Variants in KPNA1 observed in about 807,000 individuals in gnomAD.
KPNA1 encodes karyopherin subunit alpha 1.
KPNA1 carries 10 observed loss-of-function variants against 70.5 expected under a neutral mutation model. That is an observed-to-expected ratio of 0.14 (90% CI 0.09 to 0.24). The LOEUF is 0.24. Ranked by LOEUF, KPNA1 falls within the 10% of genes least tolerant of loss-of-function variation. KPNA1 has a pLI of 1.00. For synonymous variants in KPNA1, 192 were observed against 221.9 expected (o/e 0.87, Z 1.20); for missense variants, 397 against 637.9 (o/e 0.62, Z 4.07).
chr3:122,477,489 C>T (rs1344306060), intron 2 of KPNA1, among the ~76,000 whole-genome samples: 2 of 151,984 alleles, frequency 1.3e-5, no homozygotes, highest in African/African-American at 4.8e-5. Flanking sequence ...CATTTGAGAC[C>T]AGGAGTTCAA....
intron 1 of KPNA1, among the ~76,000 whole-genome samples, chr3:122,508,161 C>A (rs534540447): frequency 1.3e-5 from 2 of 151,712 alleles, no homozygotes; most frequent in Non-Finnish European, 2.9e-5. Context: ...ACCAGAACCA[C>A]GGCATAAAGA....
At chr3:122,478,571 A>G (rs542081206) in intron 2 of KPNA1, among the ~76,000 whole-genome samples, 2 of 151,900 alleles carry the variant, frequency 1.3e-5, no homozygotes, top group Admixed American at 6.6e-5. Flanking sequence ...AAAATACAAA[A>G]ATTAGCTGGA....
At chr3:122,467,174 T>C in intron 3 of KPNA1, 148 bp downstream of exon 3, 1 of 409,784 alleles carries the variant, frequency 2.4e-6, no homozygotes, top group East Asian at 4.0e-5. Context: ...ATAATAAACA[T>C]TTAATGAACC....
chr3:122,465,434 C>T (rs760711688), intron 3 of KPNA1, among the ~76,000 whole-genome samples: 10 of 152,136 alleles, frequency 6.6e-5, no homozygotes, highest in East Asian at 1.9e-4. Flanking sequence ...TTGACTATCT[C>T]GTGTAATTTA....
intron 9 of KPNA1, among the ~76,000 whole-genome samples, chr3:122,446,977 T>G (rs1295898501): frequency 6.6e-6 from 1 of 152,136 alleles, no homozygotes; most frequent in African/African-American, 2.4e-5. Flanking sequence ...CAGGAAGAAG[T>G]TGAATCCTTG....
At chr3:122,452,531 AGG>A (rs2076214304) in intron 6 of KPNA1, among the ~76,000 whole-genome samples, 1 of 39,534 alleles carries the variant, frequency 2.5e-5, no homozygotes, top group African/African-American at 8.1e-5. Flanking sequence ...GGAGGGAAGG[AGG>A]GAAGGAGGGA....
rs781126772 is a variant in KPNA1, at chr3:122,489,294, TG to T, written c.129+7142del. On this transcript the variant is annotated intron_variant, in intron 2 of 13. Coordinates refer to ENST00000344337, the MANE Select transcript of KPNA1 (RefSeq NM_002264.4). ...CCTTTTTACTTTGTTTGTTTTTTTT[TG>T]TTTGTTTTTTTTTTAAGAGGGTCTC... is the stretch of plus-strand genomic sequence containing the variant. Among the ~76,000 whole-genome samples, 23 of 150,922 alleles carry T rather than the reference TG, an allele frequency of 1.5e-4. No individual in the cohort carries two copies. The East Asian group carries it at 2.2e-3, about 14-fold the overall frequency.
chr3:122,451,187 C>A (rs2076198770), intron 8 of KPNA1, among the ~76,000 whole-genome samples: 13 of 151,952 alleles, frequency 8.6e-5, no homozygotes, highest in Admixed American at 8.5e-4. Context: ...AACTCACAGA[C>A]CACACTTTGA....
At chr3:122,477,527 C>A (rs1264532472) in intron 2 of KPNA1, among the ~76,000 whole-genome samples, 1 of 152,056 alleles carries the variant, frequency 6.6e-6, no homozygotes, top group East Asian at 1.9e-4. Flanking sequence ...CAGCAAGACC[C>A]TGCCTCTACA....
At chr3:122,427,394 G>T in intron 13 of KPNA1, 144 bp downstream of exon 13, 1 of 815,058 alleles carries the variant, frequency 1.2e-6, no homozygotes. Context: ...ACATATGCAA[G>T]TAATATCCAG....
chr3:122,488,608 C>G (rs368083089), intron 2 of KPNA1, among the ~76,000 whole-genome samples: 3 of 152,314 alleles, frequency 2.0e-5, no homozygotes, highest in South Asian at 2.1e-4. Flanking sequence ...GGGATTTGCT[C>G]AAGTAATCCA....
In KPNA1 at chr3:122,449,615, G is replaced by T; in HGVS notation, c.876C>A (p.Val292=). The T allele has an allele frequency of 3.7e-6, 6 of 1,613,846 alleles. No homozygotes were observed. In the South Asian group the frequency reaches 6.6e-5, roughly 18 times the overall value. ...SDGPNDKIQA[V]IDAGVCRRLV... ...GTCTCCTACATACTCCCGCATCGATGACCGCTTGAATTTTATCATTGGGTC... is the reference window on the plus strand; with the variant it reads ...GTCTCCTACATACTCCCGCATCGATTACCGCTTGAATTTTATCATTGGGTC... Residue 292 remains valine, a synonymous_variant, in exon 9 of 14, where the codon GTC becomes GTA. Transcript: ENST00000344337.
At chr3:122,509,477 C>T (rs923186640) in intron 1 of KPNA1, among the ~76,000 whole-genome samples, 4 of 152,006 alleles carry the variant, frequency 2.6e-5, no homozygotes, top group African/African-American at 4.8e-5. Flanking sequence ...GGATCAATTC[C>T]TAGGGAATGA....
At chr3:122,441,814 T>C (rs1333183576) in intron 10 of KPNA1, among the ~76,000 whole-genome samples, 1 of 152,200 alleles carries the variant, frequency 6.6e-6, no homozygotes, top group East Asian at 1.9e-4. Context: ...TTGCCCAGGC[T>C]GGTGTCGAAC....
At position 122,426,124 on chromosome 3, in the gene KPNA1, A is replaced by T. The variant is rs908038654; in HGVS notation, c.*861T>A. 3.9e-5 allele frequency: 6 copies of T among 152,214 alleles called. No individual in the cohort carries two copies. Among genetic ancestry groups the T allele is most frequent in the Non-Finnish European group, 8.8e-5 (6 of 68,038 alleles). The allele number at this position is 152,214 out of a possible 1,614,324, so 9.4% of individuals were successfully genotyped here. A position where few individuals can be genotyped will look rare whatever the true frequency, so the allele number is the denominator to read the frequency against. ...TTTTTCGTCCTTAGTTTTTTTTATT[A>T]AATTACAGGATATGGTTTTCGATTA... On this transcript the variant is annotated 3_prime_UTR_variant, in exon 14 of 14. Transcript: ENST00000344337.
intron 1 of KPNA1, among the ~76,000 whole-genome samples, chr3:122,501,560 T>C (rs866884903): frequency 1.1e-4 from 17 of 152,232 alleles, no homozygotes; most frequent in Non-Finnish European, 2.5e-4. Flanking sequence ...TTTCTTTCCA[T>C]TGTGATCAAA....
intron 2 of KPNA1, among the ~76,000 whole-genome samples, chr3:122,491,207 C>T (rs374312408): frequency 1.7e-4 from 26 of 152,150 alleles, no homozygotes; most frequent in African/African-American, 6.3e-4. Flanking sequence ...AAATCATACC[C>T]AGTCACTAAC....
At chr3:122,456,603 T>C (rs2076267568) in intron 5 of KPNA1, among the ~76,000 whole-genome samples, 1 of 152,092 alleles carries the variant, frequency 6.6e-6, no homozygotes, top group Admixed American at 6.5e-5. Flanking sequence ...GCTACACAAG[T>C]TAATAAAATA....
intron 2 of KPNA1, among the ~76,000 whole-genome samples, chr3:122,480,966 G>A (rs955418841): frequency 2.6e-5 from 4 of 152,170 alleles, no homozygotes; most frequent in African/African-American, 9.7e-5. Flanking sequence ...TCCAGCCTAG[G>A]CAATAGAGGG....
Sources: gnomAD v4.1 joint callset for allele counts (sites outside exome capture counted in the v4.1 genomes callset) on GRCh38, gnomAD v4.1.1 for gene constraint, MANE v1.5 for transcripts, NCBI Gene and HGNC (gene_info 2026-07-23, HGNC 2026-07-21) for gene names.